GREB1L: variants seen among roughly 807,000 people sequenced by gnomAD.
The protein encoded by GREB1L is GREB1 like retinoic acid receptor coactivator, also known as GREB1-like protein.
In GREB1L, 17 loss-of-function variants were observed where a neutral mutation model predicts 200.8. That is an observed-to-expected ratio of 0.08 (90% CI 0.06 to 0.13). GREB1L has a LOEUF of 0.13. Ranked by LOEUF, GREB1L falls within the 10% of genes least tolerant of loss-of-function variation. GREB1L has a pLI of 1.00. For missense variants in GREB1L, 1,657 were observed against 2,367.7 expected (o/e 0.70, Z 6.23); for synonymous variants, 789 against 893.0 (o/e 0.88, Z 2.08).
intron 3 of GREB1L, among the ~76,000 whole-genome samples, chr18:21,383,960 C>T (rs1453876675): frequency 2.0e-5 from 3 of 152,048 alleles, no homozygotes; most frequent in African/African-American, 4.8e-5. Flanking sequence ...GTGATCCGCC[C>T]GCCTCCGCCT....
rs1178028427 is a variant in GREB1L at position 21,496,423 on chromosome 18, A to G, written c.3147-31A>G. ...ACACACTGCGTGCCTGGCCAGATAG[A>G]CTCACCAACAACACAATTACTTTTG... On this transcript the variant is annotated intron_variant, in intron 20 of 32. Transcript: ENST00000424526. 1.9e-6 allele frequency: 3 copies of G among 1,550,488 alleles called. No individual in the cohort carries two copies. The African/African-American group carries it at 4.1e-5, about 21-fold the overall frequency.
intron 7 of GREB1L, among the ~76,000 whole-genome samples, chr18:21,414,288 C>A (rs1196558535): frequency 1.3e-5 from 2 of 151,832 alleles, no homozygotes; most frequent in East Asian, 3.9e-4. Context: ...GATTTTTTGT[C>A]ATATCACGTA....
intron 7 of GREB1L, among the ~76,000 whole-genome samples, chr18:21,414,055 A>G (rs2031371082): frequency 6.6e-6 from 1 of 152,210 alleles, no homozygotes; most frequent in African/African-American, 2.4e-5. Context: ...TGCTATAATA[A>G]TCTCACTTTA....
At chr18:21,367,530 C>A (rs191640319) in intron 2 of GREB1L, among the ~76,000 whole-genome samples, 1 of 152,294 alleles carries the variant, frequency 6.6e-6, no homozygotes, top group African/African-American at 2.4e-5. Context: ...AATCATTCTA[C>A]AAGCTTTTGG....
chr18:21,330,705 C>T (rs2039094743), intron 1 of GREB1L, among the ~76,000 whole-genome samples: 1 of 151,946 alleles, frequency 6.6e-6, no homozygotes, highest in Non-Finnish European at 1.5e-5. Flanking sequence ...CTAAGTCTCT[C>T]TTTGAAAAAA....
At chr18:21,326,175 T>C (rs2039019458) in intron 1 of GREB1L, among the ~76,000 whole-genome samples, 1 of 152,118 alleles carries the variant, frequency 6.6e-6, no homozygotes, top group African/African-American at 2.4e-5. Flanking sequence ...ATATCATAAA[T>C]TGATACATGG....
chr18:21,375,600 T>C (rs1454911868), intron 2 of GREB1L, among the ~76,000 whole-genome samples: 1 of 152,174 alleles, frequency 6.6e-6, no homozygotes. Flanking sequence ...ATTTACCCAA[T>C]TGGGCCATCT....
At chr18:21,459,279 C>CTTTTTTTTTTTTTTTTTTTTTTTTTTTT (rs746568414) in intron 15 of GREB1L, among the ~76,000 whole-genome samples, 11 of 85,918 alleles carry the variant, frequency 1.3e-4, no homozygotes, top group South Asian at 4.4e-4. Context: ...TTTTTCTTTA[C>CTTTTTTTTTTTTTTTTTTTTTTTTTTTT]TTTTTTTTTT....
At chr18:21,454,327 A>C in intron 14 of GREB1L, 39 bp from the exon 15 acceptor site, 1 of 1,419,906 alleles carries the variant, frequency 7.0e-7, no homozygotes, top group Non-Finnish European at 9.7e-7. Context: ...TTAGGGAAGT[A>C]AATTAACCTT....
chr18:21,362,086 T>G (rs576194062), intron 1 of GREB1L, among the ~76,000 whole-genome samples: 1 of 152,306 alleles, frequency 6.6e-6, no homozygotes, highest in East Asian at 1.9e-4. Context: ...TATTGTGATA[T>G]GATTTTACAT....
At chr18:21,327,919 T>C (rs1206495261) in intron 1 of GREB1L, among the ~76,000 whole-genome samples, 1 of 152,048 alleles carries the variant, frequency 6.6e-6, no homozygotes, top group Non-Finnish European at 1.5e-5. Flanking sequence ...TTTCACCATG[T>C]TGGCCAGAAT....
In GREB1L at chr18:21,522,734, G is replaced by C. The variant is rs1229589597; in HGVS notation, c.5685G>C (p.Glu1895Asp). 2.6e-6 allele frequency: 4 copies of C among 1,551,584 alleles called. No homozygotes were observed. The Admixed American group carries it at 7.8e-5, about 30-fold the overall frequency. Residue 1895 changes from glutamate (E) to aspartate (D), a missense_variant, in exon 33 of 33, where the codon GAG becomes GAC. Glu to Asp is a conservative substitution (Grantham distance 45). Coordinates refer to ENST00000424526, the MANE Select transcript of GREB1L (RefSeq NM_001142966.3). ...QTIVRLELED[E>D]WQFRLRDEFQ... Reference sequence around the variant, plus strand: ...TTGTCCGCTTAGAGCTAGAAGATGAGTGGCAGTTCCGCCTCCGGGACGAGT... The same window carrying C: ...TTGTCCGCTTAGAGCTAGAAGATGACTGGCAGTTCCGCCTCCGGGACGAGT...
At chr18:21,433,789 A>C (rs1360414031) in intron 7 of GREB1L, among the ~76,000 whole-genome samples, 1 of 152,178 alleles carries the variant, frequency 6.6e-6, no homozygotes, top group East Asian at 1.9e-4. Context: ...TGTTCCTTAG[A>C]GCATGCTCTC....
rs373051583 is a variant in GREB1L at position 21,455,599 on chromosome 18, C to T, written c.2182+1036C>T. Among the ~76,000 whole-genome samples the T allele has an allele frequency of 8.6e-5, 13 of 151,852 alleles. No individual in the cohort carries two copies. The East Asian group carries it at 2.3e-3, about 27-fold the overall frequency. On this transcript the variant is annotated intron_variant, in intron 15 of 32. Transcript: ENST00000424526. Reference sequence around the variant, plus strand: ...TTGGGAGGCTGAGGCAGGAGAATCACTTGAACCCGGAAGGCAGAGGCTGTG... The same window carrying T: ...TTGGGAGGCTGAGGCAGGAGAATCATTTGAACCCGGAAGGCAGAGGCTGTG...
chr18:21,464,290 G>A (rs149786519), intron 15 of GREB1L, among the ~76,000 whole-genome samples: 3,877 of 152,210 alleles, frequency 0.025, 175 homozygotes, highest in African/African-American at 0.086. Context: ...AGCACTTTGG[G>A]AGGCCGAGGG....
At chr18:21,286,055 T>C (rs2038350601) in intron 1 of GREB1L, among the ~76,000 whole-genome samples, 1 of 152,196 alleles carries the variant, frequency 6.6e-6, no homozygotes, top group South Asian at 2.1e-4. Flanking sequence ...GCAAGAAACA[T>C]AAATAACTAG....
chr18:21,442,778 CTT>C (rs753808481), intron 10 of GREB1L, among the ~76,000 whole-genome samples: 8 of 129,264 alleles, frequency 6.2e-5, no homozygotes, highest in African/African-American at 5.7e-5. Context: ...ATTTAGCTTA[CTT>C]TTTTTTTTTT....
chr18:21,260,281 A>G (rs1350420768), intron 1 of GREB1L, among the ~76,000 whole-genome samples: 2 of 151,928 alleles, frequency 1.3e-5, no homozygotes, highest in African/African-American at 4.8e-5. Flanking sequence ...CAATAGACAA[A>G]ATATTTACCA....
chr18:21,350,564 G>A (rs2039418367), intron 1 of GREB1L, among the ~76,000 whole-genome samples: 1 of 152,036 alleles, frequency 6.6e-6, no homozygotes. Flanking sequence ...AATAATTTAT[G>A]TTTTACATAT....
Sources: gnomAD v4.1 joint callset for allele counts (sites outside exome capture counted in the v4.1 genomes callset) on GRCh38, gnomAD v4.1.1 for gene constraint, MANE v1.5 for transcripts, NCBI Gene and HGNC (gene_info 2026-07-23, HGNC 2026-07-21) for gene names.